FOXP2: variants seen among roughly 807,000 people sequenced by gnomAD.
FOXP2 encodes the protein forkhead box P2.
FOXP2 carries 12 observed loss-of-function variants against 115.8 expected under a neutral mutation model. The observed-to-expected ratio is 0.10, with a 90% CI of 0.07 to 0.17. The LOEUF (loss-of-function observed/expected upper bound fraction) is 0.17. FOXP2 is among the 10% of genes least tolerant of loss of function. The pLI, the probability that FOXP2 is intolerant of heterozygous loss-of-function variation, is 1.00. For missense variants in FOXP2, 629 were observed against 843.5 expected, an observed-to-expected ratio of 0.75 and a Z score of 3.15; for synonymous variants, 328 against 297.7, an observed-to-expected ratio of 1.10 and a Z score of -1.05.
In FOXP2 at chr7:114,546,676, G is replaced by GA. The variant is rs562746830; in HGVS notation, c.258+11980dup. Among the ~76,000 whole-genome samples, 256 of 147,130 alleles carry GA rather than the reference G, an allele frequency of 1.7e-3. 1 individual carries two copies. The highest frequency in any genetic ancestry group is 4.9e-3 in the African/African-American group (198 of 40,044). ...GGAGTCTTCTCTGATGCATCAAAAA[G>GA]AAAAAAAAAATCCCTCCTCACACAA... On this transcript the variant is annotated intron_variant, in intron 3 of 16. Transcript: ENST00000350908.
At chr7:114,272,910 T>C (rs1274141057) in intron 1 of FOXP2, among the ~76,000 whole-genome samples, 1 of 151,916 alleles carries the variant, frequency 6.6e-6, no homozygotes, top group Non-Finnish European at 1.5e-5. Flanking sequence ...GTTGATTTTT[T>C]CTATTTATTT....
chr7:114,693,682 A>G lies in FOXP2; in HGVS notation c.*3756A>G, dbSNP rs1258024286. The G allele has an allele frequency of 2.7e-6, 1 of 369,922 alleles. No homozygotes were observed. The highest frequency in any genetic ancestry group is 5.3e-6 in the Non-Finnish European group (1 of 188,598). The allele number at this position is 369,922 out of a possible 1,614,324, so 22.9% of individuals were successfully genotyped here. On this transcript the variant is annotated 3_prime_UTR_variant, in exon 17 of 17. Coordinates refer to ENST00000350908, the MANE Select transcript of FOXP2 (RefSeq NM_014491.4). ...ATGAACAGTGTGTCACTGCTGTTGG[A>G]TGTAAAAATGTATATGAAACCATTT...
At chr7:114,494,516 G>T (rs1290901444) in intron 2 of FOXP2, among the ~76,000 whole-genome samples, 11 of 151,950 alleles carry the variant, frequency 7.2e-5, no homozygotes, top group Non-Finnish European at 1.2e-4. Flanking sequence ...TCCTTGGCCA[G>T]CACCCAAGAA....
intron 3 of FOXP2, among the ~76,000 whole-genome samples, chr7:114,601,067 G>T (rs1802999355): frequency 6.6e-6 from 1 of 151,696 alleles, no homozygotes; most frequent in South Asian, 2.1e-4. Context: ...AGGTTCAAAT[G>T]ATTCTAGTGC....
intron 1 of FOXP2, among the ~76,000 whole-genome samples, chr7:114,195,797 A>C (rs1320818511): frequency 6.6e-6 from 1 of 152,074 alleles, no homozygotes; most frequent in Non-Finnish European, 1.5e-5. Flanking sequence ...TAGTGTGCAT[A>C]TCAAATATAT....
At chr7:114,189,137 G>A (rs969487057) in intron 1 of FOXP2, among the ~76,000 whole-genome samples, 7 of 151,936 alleles carry the variant, frequency 4.6e-5, no homozygotes, top group African/African-American at 1.7e-4. Flanking sequence ...CATATCCTAA[G>A]CCTATACCCA....
At chr7:114,543,665 A>G (rs1399204820) in intron 3 of FOXP2, among the ~76,000 whole-genome samples, 1 of 152,230 alleles carries the variant, frequency 6.6e-6, no homozygotes, top group Non-Finnish European at 1.5e-5. Flanking sequence ...GAAGTCAGCA[A>G]TCTGAAGACC....
In FOXP2 at chr7:114,246,530, A is replaced by C. The variant is rs533449297; in HGVS notation, c.-101-41489A>C. On this transcript the variant is annotated intron_variant, in intron 1 of 17. Coordinates refer to the FOXP2 transcript ENST00000634411. The stretch of plus-strand genomic sequence containing the variant: ...ATATGTTGTTTCTCACTACAAACTT[A>C]GAGAGTTTTGGAACTTATGGTATTG... Among the ~76,000 whole-genome samples the C allele has an allele frequency of 7.3e-4, 111 of 152,288 alleles. 1 individual carries two copies. Among genetic ancestry groups the C allele is most frequent in the Admixed American group, 7.2e-3 (110 of 15,290 alleles).
chr7:114,521,532 C>CAAAAAAA (rs34666914), intron 2 of FOXP2, among the ~76,000 whole-genome samples: 1 of 82,080 alleles, frequency 1.2e-5, no homozygotes, highest in Non-Finnish European at 2.3e-5. Flanking sequence ...GACACTGTCT[C>CAAAAAAA]AAAAAAAAAA....
In FOXP2 at chr7:114,470,819, T is replaced by TA. The variant is rs1796011370; in HGVS notation, c.168+44141dup. Among the ~76,000 whole-genome samples, 10 of 152,238 alleles carry TA rather than the reference T, an allele frequency of 6.6e-5. No homozygotes were observed. The South Asian group carries it at 2.1e-3, about 32-fold the overall frequency. On this transcript the variant is annotated intron_variant, in intron 2 of 16. Coordinates refer to ENST00000350908, the MANE Select transcript of FOXP2 (RefSeq NM_014491.4). ...CTACCATCCTCCTTCTCCATGTTTTTATCTCTCCCTCGGGGAAGGGGAAGG... is the reference window on the plus strand; with the variant it reads ...CTACCATCCTCCTTCTCCATGTTTTTAATCTCTCCCTCGGGGAAGGGGAAGG...
intron 1 of FOXP2, among the ~76,000 whole-genome samples, chr7:114,205,027 G>C (rs1263915844): frequency 1.3e-5 from 2 of 151,906 alleles, no homozygotes; most frequent in African/African-American, 4.8e-5. Context: ...GCAAAGAGAA[G>C]GTATAGTGTT....
intron 1 of FOXP2, among the ~76,000 whole-genome samples, chr7:114,199,807 G>A (rs552973028): frequency 2.0e-5 from 3 of 152,180 alleles, no homozygotes; most frequent in South Asian, 2.1e-4. Context: ...ACATACCACC[G>A]AGTAAATACT....
intron 1 of FOXP2, among the ~76,000 whole-genome samples, chr7:114,147,225 T>G (rs1792395078): frequency 6.6e-6 from 1 of 152,208 alleles, no homozygotes; most frequent in Admixed American, 6.5e-5. Context: ...ATTATTTATA[T>G]GATAGGATTT....
chr7:114,224,256 G>T (rs1794694063), intron 1 of FOXP2, among the ~76,000 whole-genome samples: 1 of 151,998 alleles, frequency 6.6e-6, no homozygotes, highest in Non-Finnish European at 1.5e-5. Flanking sequence ...TTCCAAGGCT[G>T]TTGCTTTTTT....
intron 2 of FOXP2, among the ~76,000 whole-genome samples, chr7:114,310,283 G>A (rs957334561): frequency 6.6e-6 from 1 of 152,168 alleles, no homozygotes; most frequent in Non-Finnish European, 1.5e-5. Flanking sequence ...CCCCCAGAGG[G>A]GTAGCTGCCA....
chr7:114,529,804 A>G (rs1397878628), intron 2 of FOXP2, among the ~76,000 whole-genome samples: 1 of 151,808 alleles, frequency 6.6e-6, no homozygotes, highest in Non-Finnish European at 1.5e-5. Context: ...ACATTATGAG[A>G]CTTCGGATTA....
chr7:114,095,344 A>G (rs113435231), intron 1 of FOXP2, among the ~76,000 whole-genome samples: 124 of 152,328 alleles, frequency 8.1e-4, no homozygotes, highest in African/African-American at 2.7e-3. Context: ...ATGAACATAC[A>G]CTGAAGAATG....
intron 2 of FOXP2, among the ~76,000 whole-genome samples, chr7:114,393,987 TGTGTGTGTGTGTGTGTGTGAGA>T (rs1792674235): frequency 1.0e-4 from 2 of 19,650 alleles, no homozygotes; most frequent in Admixed American, 7.2e-4. Context: ...TGAGAGTGTG[TGTGTGTGTGTGTGTGTGTGAGA>T]GAGAGAGAGA....
At chr7:114,482,537 A>G (rs1796604006) in intron 2 of FOXP2, among the ~76,000 whole-genome samples, 1 of 151,556 alleles carries the variant, frequency 6.6e-6, no homozygotes, top group Non-Finnish European at 1.5e-5. Flanking sequence ...TCACGAAGAA[A>G]AAAAGAATAC....
Sources: gnomAD v4.1 joint callset for allele counts (sites outside exome capture counted in the v4.1 genomes callset) on GRCh38, gnomAD v4.1.1 for gene constraint, MANE v1.5 for transcripts, NCBI Gene and HGNC (gene_info 2026-07-23, HGNC 2026-07-21) for gene names.